Variants in MSRB1 observed in about 807,000 individuals in gnomAD.
MSRB1 encodes methionine-R-sulfoxide reductase B1.
Under a neutral mutation model 15.2 loss-of-function variants are expected in MSRB1, and 13 were observed. The observed-to-expected ratio is 0.86, with a 90% CI of 0.56 to 1.36. The LOEUF (loss-of-function observed/expected upper bound fraction) is 1.36. MSRB1 is among the 40% of genes most tolerant of loss of function. MSRB1 has a pLI of 0.00. For synonymous variants in MSRB1, 68 were observed against 64.5 expected (o/e 1.05, Z -0.26); for missense variants, 174 against 155.9 (o/e 1.12, Z -0.62).
chr16:1,941,006 G>A, intron 2 of MSRB1, 114 bp from the exon 3 acceptor site: 1 of 1,562,098 alleles, frequency 6.4e-7, no homozygotes, highest in Non-Finnish European at 8.7e-7. Flanking sequence ...TTCCCAAGCT[G>A]ACCGCCGACA....
chr16:1,940,860 G>A lies in MSRB1; in HGVS notation c.237C>T (p.Gly79=), dbSNP rs1345348017. ...TGGGGCCGTCGTTCAGGAACTCGTG[G>A]CCCAACCCATTGCCACACTTGCCAC... is the stretch of plus-strand genomic sequence containing the variant. ...VSCGKCGNGL[G]HEFLNDGPKP... Residue 79 remains glycine (G), a synonymous_variant, in exon 3 of 4, where the codon GGC becomes GGT. Coordinates refer to ENST00000361871, the MANE Select transcript of MSRB1 (RefSeq NM_016332.4). 4 of 1,614,138 alleles carry A rather than the reference G, an allele frequency of 2.5e-6. No individual in the cohort carries two copies. The highest frequency in any genetic ancestry group is 3.4e-6 in the Non-Finnish European group (4 of 1,180,034).
chr16:1,943,041 G>GC, intron 1 of MSRB1, 61 bp downstream of exon 1: 1 of 1,541,408 alleles, frequency 6.5e-7, no homozygotes. Flanking sequence ...CGACGGCGGC[G>GC]CCCCCGCTAA....
intron 3 of MSRB1, among the ~76,000 whole-genome samples, chr16:1,939,944 C>T (rs1389849269): frequency 6.7e-6 from 1 of 149,380 alleles, no homozygotes; most frequent in Non-Finnish European, 1.5e-5. Context: ...CAGAACAAGA[C>T]TCTGTCACCA....
At position 1,940,876 on chromosome 16, in the gene MSRB1, C is replaced by A; in HGVS notation, c.221G>T (p.Cys74Phe). Residue 74 changes from cysteine (C) to phenylalanine (F), a missense_variant, in exon 3 of 4, where the codon TGT becomes TTT. By Grantham distance (205) the Cys-to-Phe change is radical. Coordinates refer to ENST00000361871, the MANE Select transcript of MSRB1 (RefSeq NM_016332.4). ...GAACTCGTGGCCCAACCCATTGCCA[C>A]ACTTGCCACAGGACACCTGGAAAGA... ...SEALKVSCGK[C>F]GNGLGHEFLN... 6.2e-7 allele frequency: 1 copy of A among 1,614,184 alleles called. No individual in the cohort carries two copies. The highest frequency in any genetic ancestry group is 8.5e-7 in the Non-Finnish European group (1 of 1,180,042).
At chr16:1,942,984 G>T in intron 1 of MSRB1, 118 bp downstream of exon 1, 1 of 1,381,846 alleles carries the variant, frequency 7.2e-7, no homozygotes, top group Non-Finnish European at 9.9e-7. Context: ...CTCCCCGGCA[G>T]CCACATTCGC....
Position 1,938,759 on chromosome 16 carries a change from T to G in MSRB1, c.*353A>C. The G allele has an allele frequency of 1.5e-5, 5 of 338,506 alleles. No individual in the cohort carries two copies. The highest frequency in any genetic ancestry group is 6.1e-5 in the South Asian group (2 of 32,992). 21.0% of individuals were successfully genotyped at this position (338,506 alleles called of 1,614,324 possible). On this transcript the variant is annotated 3_prime_UTR_variant, in exon 4 of 4. Coordinates refer to ENST00000361871, the MANE Select transcript of MSRB1 (RefSeq NM_016332.4). The stretch of plus-strand genomic sequence containing the variant: ...TGGAATTGGGCCTCACAGGGGAGAG[T>G]CCAGAGACAGGGCCAGGAAAAGAAG...
chr16:1,943,000 T>C (rs2083089574), intron 1 of MSRB1, 102 bp downstream of exon 1: 4 of 1,480,396 alleles, frequency 2.7e-6, no homozygotes, highest in East Asian at 2.5e-5. Context: ...TTCGCCCCCA[T>C]TCCCGGCTTG....
Position 1,939,042 on chromosome 16 carries a change from A to G in MSRB1, c.*70T>C, listed in dbSNP as rs1295258155. 3.2e-6 allele frequency: 5 copies of G among 1,586,008 alleles called. 1 individual carries two copies. The highest frequency in any genetic ancestry group is 2.7e-5 in the African/African-American group (2 of 74,386). ...TCCTGTCTCGACGCCCAGGGTTCCA[A>G]CTCCAAGGTGGAATGGCCAACGTGT... On this transcript the variant is annotated 3_prime_UTR_variant, in exon 4 of 4. Transcript: ENST00000361871.
chr16:1,942,631 G>C (rs1326176643), intron 1 of MSRB1, among the ~76,000 whole-genome samples: 3 of 152,244 alleles, frequency 2.0e-5, no homozygotes, highest in Non-Finnish European at 2.9e-5. Context: ...CAGAGATCCC[G>C]GACTCGGGGG....
intron 3 of MSRB1, 74 bp from the exon 4 acceptor site, chr16:1,939,217 G>T: frequency 2.0e-6 from 3 of 1,496,390 alleles, no homozygotes; most frequent in Non-Finnish European, 1.8e-6. Context: ...GGGCGCGGGG[G>T]CGGTGGAAAG....
chr16:1,939,528 G>A (rs1032297922), intron 3 of MSRB1, among the ~76,000 whole-genome samples: 7 of 152,174 alleles, frequency 4.6e-5, no homozygotes, highest in Non-Finnish European at 8.8e-5. Flanking sequence ...GGCCACAAGC[G>A]TGTGCTGTTA....
Position 1,938,776 on chromosome 16 carries a change from G to A in MSRB1, c.*336C>T, listed in dbSNP as rs2150855532. 1.0e-5 allele frequency: 4 copies of A among 389,850 alleles called. No homozygotes were observed. Among genetic ancestry groups the A allele is most frequent in the Middle Eastern group, 7.6e-4 (1 of 1,324 alleles). The allele number at this position is 389,850 out of a possible 1,614,324, so 24.1% of individuals were successfully genotyped here. Reference sequence around the variant, plus strand: ...GGGGAGAGTCCAGAGACAGGGCCAGGAAAAGAAGGTGAGGGTGTAACGTCA... The same window carrying A: ...GGGGAGAGTCCAGAGACAGGGCCAGAAAAAGAAGGTGAGGGTGTAACGTCA... On this transcript the variant is annotated 3_prime_UTR_variant, in exon 4 of 4. Coordinates refer to ENST00000361871, the MANE Select transcript of MSRB1 (RefSeq NM_016332.4).
Position 1,939,556 on chromosome 16 carries a change from G to A in MSRB1, c.320-413C>T, listed in dbSNP as rs9923490. 1.7e-3 allele frequency among the ~76,000 whole-genome samples: 264 copies of A among 152,184 alleles called. 2 individuals carry two copies. Among genetic ancestry groups the A allele is most frequent in the African/African-American group, 5.9e-3 (243 of 41,498 alleles). On this transcript the variant is annotated intron_variant, in intron 3 of 3. Coordinates refer to ENST00000361871, the MANE Select transcript of MSRB1 (RefSeq NM_016332.4). ...TGCTGTTAACAGCCCCATTTCAGGC[G>A]AGGCAGTGGCTCAAGCCTGTAATCC...
rs552092161 is a variant in MSRB1, at chr16:1,940,787, C to T, written c.310G>A (p.Val104Ile). Residue 104 changes from valine to isoleucine, a missense_variant, in exon 3 of 4, where the codon GTC (valine) becomes ATC (isoleucine). Physicochemically the swap from Val to Ile is conservative, Grantham distance 29. Coordinates refer to ENST00000361871, the MANE Select transcript of MSRB1 (RefSeq NM_016332.4). ...FUIFSSSLKF[V>I]PKGKETSASQ... ...TGCAAAGCAAGCTCACCTTTAGGGACAAACTTCAGCGAGCTGCTGAATATT... is the reference window on the plus strand; with the variant it reads ...TGCAAAGCAAGCTCACCTTTAGGGATAAACTTCAGCGAGCTGCTGAATATT... 4 of 1,613,224 alleles carry T rather than the reference C, an allele frequency of 2.5e-6. No individual in the cohort carries two copies. The highest frequency in any genetic ancestry group is 1.7e-4 in the Middle Eastern group (1 of 6,058).
rs368229562 is a variant in MSRB1 at position 1,940,845 on chromosome 16, G to A, written c.252C>T (p.Asn84=). 5.5e-5 allele frequency: 88 copies of A among 1,614,134 alleles called. No individual in the cohort carries two copies. In the African/African-American group the frequency reaches 7.9e-4, roughly 14 times the overall value. The change falls in exon 3 of 4, where the codon AAC becomes AAT. Residue 84 remains asparagine, a synonymous_variant. Transcript: ENST00000361871. ...CGNGLGHEFL[N]DGPKPGQSRF... ...GGGACTGCCCCGGCTTGGGGCCGTC[G>A]TTCAGGAACTCGTGGCCCAACCCAT...
At chr16:1,939,770 A>G (rs1201526970) in intron 3 of MSRB1, among the ~76,000 whole-genome samples, 1 of 152,150 alleles carries the variant, frequency 6.6e-6, no homozygotes, top group Non-Finnish European at 1.5e-5. Flanking sequence ...CCTGGCTAAC[A>G]TGGTGAAACC....
chr16:1,939,953 C>CAAA (rs1363713225), intron 3 of MSRB1, among the ~76,000 whole-genome samples: 3 of 87,768 alleles, frequency 3.4e-5, no homozygotes, highest in Non-Finnish European at 7.2e-5. Flanking sequence ...ACTCTGTCAC[C>CAAA]AAAAAAAAAA....
intron 1 of MSRB1, 133 bp downstream of exon 1, chr16:1,942,969 C>G (rs1416524353): frequency 1.6e-6 from 2 of 1,268,932 alleles, no homozygotes; most frequent in Non-Finnish European, 2.2e-6. Context: ...GACCCCTGTT[C>G]GCTTCTCCCC....
Position 1,941,386 on chromosome 16 carries a change from C to G in MSRB1, c.75G>C (p.Lys25Asn). The G allele has an allele frequency of 6.2e-7, 1 of 1,613,370 alleles. No individual in the cohort carries two copies. The highest frequency in any genetic ancestry group is 8.5e-7 in the Non-Finnish European group (1 of 1,179,776). The change falls in exon 2 of 4, where the codon AAG becomes AAC. Residue 25 changes from lysine (K) to asparagine (N), a missense_variant. By Grantham distance (94) the Lys-to-Asn change is moderately conservative. Coordinates refer to ENST00000361871, the MANE Select transcript of MSRB1 (RefSeq NM_016332.4). Reference sequence around the variant, plus strand: ...GGCTGGAGAACAGCTCATAGCCACACTTGGCACACACGTAAACGCCTGTGG... The same window carrying G: ...GGCTGGAGAACAGCTCATAGCCACAGTTGGCACACACGTAAACGCCTGTGG... ...HFEPGVYVCA[K>N]CGYELFSSRS...
Sources: gnomAD v4.1 joint callset for allele counts (sites outside exome capture counted in the v4.1 genomes callset) on GRCh38, gnomAD v4.1.1 for gene constraint, MANE v1.5 for transcripts, NCBI Gene and HGNC (gene_info 2026-07-23, HGNC 2026-07-21) for gene names.